The following POPDC2 variants were observed in gnomAD, a reference collection of about 807,000 sequenced individuals.
The protein encoded by POPDC2 is popeye domain-containing protein 2.
Under a neutral mutation model 30.5 loss-of-function variants are expected in POPDC2, and 24 were observed. That is an observed-to-expected ratio of 0.79 (90% CI 0.57 to 1.11). The LOEUF (loss-of-function observed/expected upper bound fraction) is 1.11. Among genes scored for constraint, POPDC2 ranks in the 50% least tolerant of loss-of-function variants. POPDC2 has a pLI of 0.00. For missense variants in POPDC2, 409 were observed against 447.0 expected (o/e 0.91, Z 0.77); for synonymous variants, 185 against 183.3 (o/e 1.01, Z -0.07).
chr3:119,643,419 T>A, intron 3 of POPDC2: 1 of 1,535,266 alleles, frequency 6.5e-7, no homozygotes, highest in Non-Finnish European at 8.7e-7. Context: ...AAAGCCAAAC[T>A]GGTGGAAATA....
intron 1 of POPDC2, 44 bp from the exon 2 acceptor site, chr3:119,654,657 C>T (rs2052859656): frequency 1.1e-5 from 16 of 1,402,310 alleles, no homozygotes; most frequent in South Asian, 3.5e-5. Flanking sequence ...AGGAAAATGG[C>T]TCTCCAAGCC....
At chr3:119,657,337 T>G (rs1314175341) in intron 1 of POPDC2, among the ~76,000 whole-genome samples, 1 of 152,160 alleles carries the variant, frequency 6.6e-6, no homozygotes, top group Non-Finnish European at 1.5e-5. Flanking sequence ...TTGCTCTTAA[T>G]GAATGCCTAG....
intron 3 of POPDC2, among the ~76,000 whole-genome samples, chr3:119,647,761 C>A (rs1205895226): frequency 1.3e-5 from 2 of 152,216 alleles, no homozygotes; most frequent in African/African-American, 2.4e-5. Flanking sequence ...AGAATTAGAA[C>A]CCTGCCACAT....
intron 2 of POPDC2, among the ~76,000 whole-genome samples, 193 bp downstream of exon 2, chr3:119,654,308 GGCCA>G (rs1275938961): frequency 6.6e-6 from 1 of 152,116 alleles, no homozygotes; most frequent in African/African-American, 2.4e-5. Context: ...TCTACCCAGG[GGCCA>G]GCATCTTCCT....
chr3:119,653,501 G>A (rs2052840647), intron 2 of POPDC2, among the ~76,000 whole-genome samples: 4 of 149,506 alleles, frequency 2.7e-5, no homozygotes, highest in South Asian at 2.1e-4. Context: ...TTTTTGAGAC[G>A]GAGTCTCACT....
rs58423488 is a variant in POPDC2 at position 119,655,777 on chromosome 3, C to T, written c.492-1164G>A. On this transcript the variant is annotated intron_variant, in intron 1 of 3. Transcript: ENST00000493094. ...TTAAGGCTACATAGCGATCAAGTGG[C>T]GGAACTAAAATTCTATGTTCTTAGC... Among the ~76,000 whole-genome samples, 2,211 of 152,264 alleles carry T rather than the reference C, an allele frequency of 0.015. 292 individuals carry two copies. The East Asian group carries it at 0.33, about 22-fold the overall frequency.
At chr3:119,642,585 A>C in intron 3 of POPDC2, 24 bp from the exon 4 acceptor site, 1 of 1,479,214 alleles carries the variant, frequency 6.8e-7, no homozygotes, top group Non-Finnish European at 9.5e-7. Flanking sequence ...AAGAGGGAGG[A>C]TTTTAGCACT....
At chr3:119,649,996 A>G (rs1287479553) in intron 2 of POPDC2, among the ~76,000 whole-genome samples, 2 of 152,216 alleles carry the variant, frequency 1.3e-5, no homozygotes, top group Non-Finnish European at 2.9e-5. Flanking sequence ...AAATTACTTA[A>G]TCTCTCTTGC....
chr3:119,654,636 C>G, intron 1 of POPDC2, 23 bp from the exon 2 acceptor site: 1 of 1,594,570 alleles, frequency 6.3e-7, no homozygotes, highest in Admixed American at 1.7e-5. Context: ...GAGAAGAGAT[C>G]ATGTGGGAAA....
At chr3:119,651,923 C>T (rs1327865859) in intron 2 of POPDC2, among the ~76,000 whole-genome samples, 2 of 152,136 alleles carry the variant, frequency 1.3e-5, no homozygotes, top group East Asian at 1.9e-4. Context: ...TGTGAGCCAC[C>T]GCGCCCAGCC....
chr3:119,660,376 T>C lies in POPDC2; in HGVS notation c.48A>G (p.Ser16=). The change falls in exon 1 of 4, where the codon TCA becomes TCG. Residue 16 remains serine, a synonymous_variant. Transcript: ENST00000493094. ...CATCCTGCTTCCACCTAATGCACGC[T>C]GAACCCTGCAAGAGAAGCTGGCCCA... ...SRVGQLLLQG[S]ACIRWKQDVE... 6.2e-7 allele frequency: 1 copy of C among 1,614,068 alleles called. No homozygotes were observed. Among genetic ancestry groups the C allele is most frequent in the East Asian group, 2.2e-5 (1 of 44,862 alleles).
At chr3:119,656,208 CATGTTCTTGT>C (rs2052877361) in intron 1 of POPDC2, among the ~76,000 whole-genome samples, 7 of 152,118 alleles carry the variant, frequency 4.6e-5, no homozygotes, top group Admixed American at 1.3e-4. Flanking sequence ...CCTAGTAGGA[CATGTTCTTGT>C]TTCTAGCACT....
At chr3:119,653,767 G>A (rs1222400115) in intron 2 of POPDC2, among the ~76,000 whole-genome samples, 2 of 152,084 alleles carry the variant, frequency 1.3e-5, no homozygotes, top group African/African-American at 2.4e-5. Context: ...GTGAGCCACC[G>A]CGCCCGGCAA....
intron 1 of POPDC2, among the ~76,000 whole-genome samples, chr3:119,654,994 G>T (rs116466015): frequency 2.0e-5 from 3 of 152,172 alleles, no homozygotes; most frequent in African/African-American, 2.4e-5. Flanking sequence ...TCTCCCCAGT[G>T]ATTCTAATGT....
chr3:119,654,512 A>G lies in POPDC2; in HGVS notation c.593T>C (p.Val198Ala). 6.2e-7 allele frequency: 1 copy of G among 1,610,480 alleles called. No individual in the cohort carries two copies. Among genetic ancestry groups the G allele is most frequent in the Admixed American group, 1.7e-5 (1 of 59,992 alleles). ...CACCAGGCTCCCTGTTACCTGGAAC[A>G]CCCCCTCCTCAGAAGGCTGTAGTGA... is the stretch of plus-strand genomic sequence containing the variant. ...WESLQPSEEG[V>A]FQVTLTAETS... is the part of the protein sequence containing the mutation. Residue 198 changes from valine to alanine, a missense_variant, in exon 2 of 4, where the codon GTG becomes GCG. Physicochemically the swap from Val to Ala is moderately conservative, Grantham distance 64. Transcript: ENST00000493094.
At position 119,656,298 on chromosome 3, in the gene POPDC2, C is replaced by G. The variant is rs569810118; in HGVS notation, c.492-1685G>C. Among the ~76,000 whole-genome samples the G allele has an allele frequency of 3.3e-5, 5 of 152,130 alleles. No homozygotes were observed. In the South Asian group the frequency reaches 6.2e-4, roughly 19 times the overall value. On this transcript the variant is annotated intron_variant, in intron 1 of 3. Coordinates refer to ENST00000493094, the MANE Select transcript of POPDC2 (RefSeq NM_001369919.2). ...TCCTTGTATTTTTTTAAATAAAGAC[C>G]TTTTTTCCCCCTTCTGTTGGCTAGA...
At chr3:119,651,573 A>G (rs2052810287) in intron 2 of POPDC2, among the ~76,000 whole-genome samples, 3 of 152,174 alleles carry the variant, frequency 2.0e-5, no homozygotes, top group South Asian at 4.1e-4. Flanking sequence ...AAGTGAATAA[A>G]TGAATCAAGG....
upstream of POPDC2, chr3:119,660,703 G>A (rs1389927206): frequency 3.7e-6 from 1 of 267,184 alleles, no homozygotes; most frequent in East Asian, 7.4e-5. Context: ...GCAAGGCTCT[G>A]GCTCTCCCTG....
At chr3:119,649,566 A>G (rs910028529) in intron 2 of POPDC2, among the ~76,000 whole-genome samples, 1 of 152,158 alleles carries the variant, frequency 6.6e-6, no homozygotes, top group African/African-American at 2.4e-5. Flanking sequence ...ATTTTTAATA[A>G]TCTAATTGAC....
Sources: allele counts gnomAD v4.1 joint callset (sites outside exome capture counted in the v4.1 genomes callset), GRCh38; gene constraint gnomAD v4.1.1; transcripts MANE v1.5; gene names NCBI Gene and HGNC (gene_info 2026-07-23, HGNC 2026-07-21).